The following ARHGAP18 variants were observed in gnomAD, a reference collection of about 807,000 sequenced individuals.
ARHGAP18 encodes the protein Rho GTPase activating protein 18, also known as rho GTPase-activating protein 18.
In ARHGAP18, 67 loss-of-function variants were observed where a neutral mutation model predicts 86.2. The ratio of observed to expected loss-of-function variants is 0.78; its 90% CI spans 0.64 to 0.95. ARHGAP18 has a LOEUF of 0.95. Among genes scored for constraint, ARHGAP18 ranks in the 40% least tolerant of loss-of-function variants. The pLI is 0.00. For missense variants in ARHGAP18, 691 were observed against 780.4 expected (o/e 0.89, Z 1.37); for synonymous variants, 283 against 280.4 (o/e 1.01, Z -0.09).
Position 129,600,833 on chromosome 6 carries a change from G to A in ARHGAP18, c.1381C>T (p.Leu461Phe). 1 of 1,611,424 alleles carries A rather than the reference G, an allele frequency of 6.2e-7. No individual in the cohort carries two copies. ...RDTLKALLEF[L>F]QRVIDNKEKN... The stretch of plus-strand genomic sequence containing the variant: ...TCTTTATTATCTATTACTCTTTGGA[G>A]AAATTCAAGAAGGGCCTGAAACAGA... Residue 461 changes from leucine (L) to phenylalanine (F), a missense_variant, in exon 11 of 15, where the codon CTC becomes TTC. Transcript: ENST00000368149.
intron 1 of ARHGAP18, among the ~76,000 whole-genome samples, chr6:129,683,866 C>G (rs35365927): frequency 1.3e-5 from 2 of 151,748 alleles, no homozygotes; most frequent in African/African-American, 2.4e-5. Context: ...GTAACCACGG[C>G]GGGGGGGAGT....
chr6:129,586,633 G>C (rs957114993), intron 12 of ARHGAP18, among the ~76,000 whole-genome samples: 1 of 152,114 alleles, frequency 6.6e-6, no homozygotes, highest in Non-Finnish European at 1.5e-5. Flanking sequence ...GACATTTAAA[G>C]TGAAGATGAC....
At chr6:129,610,275 A>C (rs937526627) in intron 8 of ARHGAP18, among the ~76,000 whole-genome samples, 9 of 152,214 alleles carry the variant, frequency 5.9e-5, no homozygotes, top group African/African-American at 1.7e-4. Context: ...TGCAGTATGC[A>C]TCCCCTGTAG....
At position 129,601,622 on chromosome 6, in the gene ARHGAP18, A is replaced by G. The variant is rs892919507; in HGVS notation, c.1366-774T>C. ...GCGGGGAAATGAGGAAAGACCAAAG[A>G]GAATCTTTCTTTTTTTTTTTTTTGA... On this transcript the variant is annotated intron_variant, in intron 10 of 14. Transcript: ENST00000368149. Among the ~76,000 whole-genome samples, 83 of 147,298 alleles carry G rather than the reference A, an allele frequency of 5.6e-4. 1 individual carries two copies. Among genetic ancestry groups the G allele is most frequent in the Non-Finnish European group, 1.1e-4 (7 of 66,266 alleles).
chr6:129,657,366 T>G (rs1478590884), intron 1 of ARHGAP18, among the ~76,000 whole-genome samples: 2 of 151,796 alleles, frequency 1.3e-5, no homozygotes, highest in African/African-American at 4.8e-5. Flanking sequence ...AGAGGTAATT[T>G]GCATGTTTTC....
At chr6:129,607,157 C>A (rs780780679) in intron 9 of ARHGAP18, among the ~76,000 whole-genome samples, 2 of 152,052 alleles carry the variant, frequency 1.3e-5, no homozygotes, top group Non-Finnish European at 2.9e-5. Context: ...TAATAGTGCC[C>A]CTTTTCATTC....
intron 7 of ARHGAP18, among the ~76,000 whole-genome samples, chr6:129,612,819 A>G (rs1422115942): frequency 6.6e-6 from 1 of 152,214 alleles, no homozygotes; most frequent in Non-Finnish European, 1.5e-5. Context: ...CCAAAGATGC[A>G]CTGATATTGA....
intron 1 of ARHGAP18, among the ~76,000 whole-genome samples, chr6:129,649,516 T>C (rs1314356144): frequency 7.7e-6 from 1 of 130,150 alleles, no homozygotes; most frequent in Non-Finnish European, 1.5e-5. Context: ...ATCATGCCAC[T>C]GCACTCCAGC....
At chr6:129,617,251 C>A (rs145938615) in intron 6 of ARHGAP18, among the ~76,000 whole-genome samples, 52 of 152,288 alleles carry the variant, frequency 3.4e-4, no homozygotes, top group African/African-American at 1.2e-3. Context: ...ACACCTCCAC[C>A]CTGCCCCCAT....
At chr6:129,693,459 A>C (rs1774561238) in intron 1 of ARHGAP18, among the ~76,000 whole-genome samples, 1 of 152,152 alleles carries the variant, frequency 6.6e-6, no homozygotes, top group Non-Finnish European at 1.5e-5. Flanking sequence ...GGAGAGAAGA[A>C]GGCCCCAGCC....
intron 12 of ARHGAP18, among the ~76,000 whole-genome samples, chr6:129,590,565 C>T (rs936362959): frequency 1.3e-5 from 2 of 152,166 alleles, no homozygotes; most frequent in Admixed American, 6.5e-5. Flanking sequence ...AAACATTTCC[C>T]ACATCCCTTT....
intron 1 of ARHGAP18, among the ~76,000 whole-genome samples, chr6:129,690,594 C>T (rs1174258418): frequency 6.6e-6 from 1 of 151,974 alleles, no homozygotes; most frequent in Admixed American, 6.6e-5. Context: ...ATATGTAATG[C>T]AAATAAAATA....
intron 1 of ARHGAP18, among the ~76,000 whole-genome samples, chr6:129,642,388 G>A (rs1325789123): frequency 6.6e-6 from 1 of 152,036 alleles, no homozygotes; most frequent in Non-Finnish European, 1.5e-5. Context: ...GGGCTCAAGT[G>A]ATCTTCCCAC....
chr6:129,702,162 T>C (rs1774722172), intron 1 of ARHGAP18, among the ~76,000 whole-genome samples: 1 of 152,178 alleles, frequency 6.6e-6, no homozygotes, highest in African/African-American at 2.4e-5. Flanking sequence ...AGATACTTAG[T>C]GGACTTAAGT....
intron 1 of ARHGAP18, among the ~76,000 whole-genome samples, chr6:129,645,349 C>G (rs1773556771): frequency 6.6e-6 from 1 of 152,152 alleles, no homozygotes; most frequent in Non-Finnish European, 1.5e-5. Context: ...TATATGATAT[C>G]ATGTTCATTC....
rs1160953658 is a variant in ARHGAP18 at position 129,625,607 on chromosome 6, TTATTATATATTTATA to T, written c.786+3731_786+3745del. Among the ~76,000 whole-genome samples, 204 of 39,364 alleles carry T rather than the reference TTATTATATATTTATA, an allele frequency of 5.2e-3. 18 individuals are homozygous for T. In the Admixed American group the frequency reaches 0.073, roughly 14 times the overall value. The allele number at this position is 39,364 out of a possible 152,430, so 25.8% of individuals were successfully genotyped here. A position where few individuals can be genotyped will look rare whatever the true frequency, so the allele number is the denominator to read the frequency against. ...ATATTATATATTTATATATTATATA[TTATTATATATTTATA>T]TATTATATATATTTATATTATATAT... On this transcript the variant is annotated intron_variant, in intron 5 of 14. Transcript: ENST00000368149.
chr6:129,606,324 G>C (rs769919167), intron 9 of ARHGAP18, among the ~76,000 whole-genome samples: 2 of 152,200 alleles, frequency 1.3e-5, no homozygotes, highest in East Asian at 1.9e-4. Context: ...GGGTGCGTCC[G>C]TAACAGTGGT....
At chr6:129,707,094 G>A (rs1196771528) in intron 1 of ARHGAP18, among the ~76,000 whole-genome samples, 2 of 151,746 alleles carry the variant, frequency 1.3e-5, no homozygotes, top group African/African-American at 4.8e-5. Flanking sequence ...TTAGCCAGGC[G>A]TGGTGGTGCA....
intron 1 of ARHGAP18, among the ~76,000 whole-genome samples, chr6:129,691,983 T>C (rs1160994799): frequency 6.6e-6 from 1 of 152,214 alleles, no homozygotes. Context: ...CACCTGGGCT[T>C]GGCCTGGGGC....
Sources: allele counts gnomAD v4.1 joint callset (sites outside exome capture counted in the v4.1 genomes callset), GRCh38; gene constraint gnomAD v4.1.1; transcripts MANE v1.5; gene names NCBI Gene and HGNC (gene_info 2026-07-23, HGNC 2026-07-21).